Variants in PALD1 observed in about 807,000 individuals in gnomAD.
PALD1 encodes paladin.
PALD1 carries 57 observed loss-of-function variants against 96.0 expected under a neutral mutation model. That is an observed-to-expected ratio of 0.59 (90% CI 0.48 to 0.74). PALD1 has a LOEUF of 0.74. Among genes scored for constraint, PALD1 ranks in the 30% least tolerant of loss-of-function variants. The pLI is 0.00. For missense variants in PALD1, 1,063 were observed against 1,143.7 expected, an observed-to-expected ratio of 0.93 and a Z score of 1.02; for synonymous variants, 464 against 473.6, an observed-to-expected ratio of 0.98 and a Z score of 0.26.
rs773977283 is a variant in PALD1, at chr10:70,538,884, C to A, written c.1453-8C>A. ...CTGTGGGTCCCAGGCTTGGTGCTCT[C>A]CCCACAGCGGGAGGACGATCTGGTC... On this transcript the variant is annotated splice_polypyrimidine_tract_variant and splice_region_variant and intron_variant, in intron 12 of 19. Transcript: ENST00000263563. 2 of 1,610,114 alleles carry A rather than the reference C, an allele frequency of 1.2e-6. No homozygotes were observed. Among genetic ancestry groups the A allele is most frequent in the South Asian group, 2.2e-5 (2 of 91,016 alleles).
intron 1 of PALD1, among the ~76,000 whole-genome samples, chr10:70,492,566 C>T (rs1846119080): frequency 1.4e-5 from 2 of 146,486 alleles, no homozygotes; most frequent in Admixed American, 1.4e-4. Flanking sequence ...AGACAATTCT[C>T]CTGCCTCAGC....
intron 1 of PALD1, among the ~76,000 whole-genome samples, chr10:70,501,813 C>CCGTGTGTGTGTGTGTGTGTGTG: frequency 7.2e-6 from 1 of 139,286 alleles, no homozygotes; most frequent in South Asian, 2.3e-4. Context: ...CATTTTTACT[C>CCGTGTGTGTGTGTGTGTGTGTG]TGTGTGTGTG....
At chr10:70,548,229 CGGGA>C (rs1159978719) in intron 18 of PALD1, among the ~76,000 whole-genome samples, 4 of 151,946 alleles carry the variant, frequency 2.6e-5, no homozygotes, top group Non-Finnish European at 5.9e-5. Context: ...TGCTTGAACC[CGGGA>C]GGCGGAGGTT....
At position 70,566,573 on chromosome 10, in the gene PALD1, C is replaced by T. The variant is rs374965235; in HGVS notation, c.2419-8C>T. 27 of 1,603,016 alleles carry T rather than the reference C, an allele frequency of 1.7e-5. No individual in the cohort carries two copies. The highest frequency in any genetic ancestry group is 1.1e-4 in the African/African-American group (8 of 74,702). ...GAAACACTGCTCCTGCCTCTGCTCT[C>T]CTCCCAGGTGGCATCGAAGGCTGGC... On this transcript the variant is annotated splice_region_variant and splice_polypyrimidine_tract_variant and intron_variant, in intron 19 of 19. Transcript: ENST00000263563.
intron 18 of PALD1, among the ~76,000 whole-genome samples, chr10:70,552,248 C>T (rs1357615125): frequency 1.3e-5 from 2 of 152,172 alleles, no homozygotes; most frequent in Admixed American, 6.5e-5. Context: ...CATCGCATTC[C>T]GTGTTCACAT....
the PALD1 span, among the ~76,000 whole-genome samples, chr10:70,467,932 C>T: frequency 6.6e-6 from 1 of 152,058 alleles, no homozygotes; most frequent in African/African-American, 2.4e-5. Flanking sequence ...ATCTGAAGTT[C>T]GCCACCTGCC....
At chr10:70,565,607 C>T in intron 19 of PALD1, among the ~76,000 whole-genome samples, 1 of 152,108 alleles carries the variant, frequency 6.6e-6, no homozygotes, top group East Asian at 1.9e-4. Flanking sequence ...GGAGTGGAGG[C>T]AGAGTGGCAG....
chr10:70,466,535 G>C, the PALD1 span, among the ~76,000 whole-genome samples: 9 of 152,118 alleles, frequency 5.9e-5, no homozygotes, highest in African/African-American at 1.9e-4. Flanking sequence ...GAGCCACCGC[G>C]CCCAGCCATT....
At chr10:70,479,831 G>T (rs1172044629) in intron 1 of PALD1, among the ~76,000 whole-genome samples, 1 of 152,242 alleles carries the variant, frequency 6.6e-6, no homozygotes, top group East Asian at 1.9e-4. Flanking sequence ...TAAATGCCAG[G>T]AAGGGCACTG....
chr10:70,547,519 G>C, intron 18 of PALD1, 73 bp downstream of exon 18: 1 of 1,158,940 alleles, frequency 8.6e-7, no homozygotes, highest in South Asian at 1.5e-5. Flanking sequence ...GGGAGTGGCT[G>C]ATGTGGCTTT....
intron 1 of PALD1, among the ~76,000 whole-genome samples, chr10:70,505,004 T>C (rs1564688859): frequency 6.6e-6 from 1 of 152,250 alleles, no homozygotes; most frequent in Admixed American, 6.5e-5. Flanking sequence ...TACGGGATTT[T>C]GTAATATCAG....
chr10:70,567,466 G>A lies in PALD1; in HGVS notation c.*733G>A, dbSNP rs373238930. On this transcript the variant is annotated 3_prime_UTR_variant, in exon 20 of 20. Transcript: ENST00000263563. ...TTCCAGGGGGCGAACGCAGCACAGAGGAAGAGGCCTGCTCCACTTGTCTGG... is the reference window on the plus strand; with the variant it reads ...TTCCAGGGGGCGAACGCAGCACAGAAGAAGAGGCCTGCTCCACTTGTCTGG... The A allele has an allele frequency of 3.3e-5, 5 of 152,966 alleles. No individual in the cohort carries two copies. Among genetic ancestry groups the A allele is most frequent in the Admixed American group, 1.3e-4 (2 of 15,310 alleles). 9.5% of individuals were successfully genotyped at this position (152,966 alleles called of 1,614,324 possible).
intron 4 of PALD1, 107 bp from the exon 5 acceptor site, chr10:70,531,183 T>C (rs1338687547): frequency 6.8e-6 from 6 of 879,972 alleles, no homozygotes; most frequent in Non-Finnish European, 1.1e-5. Context: ...TGGTGTGGGG[T>C]GCAGGAGGAA....
rs117803924 is a variant in PALD1, at chr10:70,541,129, C to T, written c.1936C>T (p.Arg646Trp). 3.5e-3 allele frequency: 5,703 copies of T among 1,610,100 alleles called. 117 individuals are homozygous for T. In the East Asian group the frequency reaches 0.042, roughly 12 times the overall value. The change falls in exon 16 of 20, where the codon CGG becomes TGG. Residue 646 changes from arginine to tryptophan, a missense_variant. Arg to Trp is a moderately radical substitution (Grantham distance 101). Transcript: ENST00000263563. The stretch of plus-strand genomic sequence containing the variant: ...CTTTGACCAGCTGCTGGAGGCCCTG[C>T]GGGCCGCCCTCTCCAAGGACCCAGG... Reference protein sequence around the residue: ...EDFDQLLEALRAALSKDPGTG... With the variant: ...EDFDQLLEALWAALSKDPGTG...
chr10:70,565,298 C>T (rs144970451), intron 19 of PALD1, among the ~76,000 whole-genome samples: 3 of 152,318 alleles, frequency 2.0e-5, no homozygotes, highest in African/African-American at 7.2e-5. Flanking sequence ...CTCTGTTTGG[C>T]CTCCTGGCTC....
rs114376787 is a variant in PALD1, at chr10:70,510,466, C to T, written c.-29-15457C>T. Among the ~76,000 whole-genome samples, 479 of 152,302 alleles carry T rather than the reference C, an allele frequency of 3.1e-3. 1 individual carries two copies. The highest frequency in any genetic ancestry group is 0.011 in the African/African-American group (465 of 41,552). Reference sequence around the variant, plus strand: ...TTCCAGATACTCTTAACCCTATTCTCCCTGGGCCCCCCTCCCTAAGGCATT... The same window carrying T: ...TTCCAGATACTCTTAACCCTATTCTTCCTGGGCCCCCCTCCCTAAGGCATT... On this transcript the variant is annotated intron_variant, in intron 1 of 19. Coordinates refer to ENST00000263563, the MANE Select transcript of PALD1 (RefSeq NM_014431.3).
chr10:70,504,692 G>C (rs530304965), intron 1 of PALD1, among the ~76,000 whole-genome samples: 15 of 152,232 alleles, frequency 9.9e-5, no homozygotes, highest in Non-Finnish European at 1.9e-4. Flanking sequence ...AGCCTCTTTC[G>C]TGTCTGGCTT....
intron 1 of PALD1, chr10:70,485,990 C>T (rs1433800140): frequency 4.7e-6 from 1 of 211,630 alleles, no homozygotes; most frequent in Non-Finnish European, 1.1e-5. Flanking sequence ...TCTTCGTGCT[C>T]CCTTTATGAG....
chr10:70,499,831 T>C (rs78518668), intron 1 of PALD1, among the ~76,000 whole-genome samples: 5,560 of 152,354 alleles, frequency 0.036, 224 homozygotes, highest in African/African-American at 0.1. Context: ...TTTGCTCCAC[T>C]GTTTCTTTGC....
Sources: gnomAD v4.1 joint callset for allele counts (sites outside exome capture counted in the v4.1 genomes callset) on GRCh38, gnomAD v4.1.1 for gene constraint, MANE v1.5 for transcripts, NCBI Gene and HGNC (gene_info 2026-07-23, HGNC 2026-07-21) for gene names.